The following TENM4 variants were observed in gnomAD, a reference collection of about 807,000 sequenced individuals.
The protein encoded by TENM4 is teneurin transmembrane protein 4.
Under a neutral mutation model 243.3 loss-of-function variants are expected in TENM4, and 82 were observed. That is an observed-to-expected ratio of 0.34 (90% confidence interval 0.28 to 0.40). The LOEUF is 0.40. Among genes scored for constraint, TENM4 ranks in the 10% least tolerant of loss-of-function variants. TENM4 has a pLI of 1.00. For synonymous variants in TENM4, 1,412 were observed against 1,456.3 expected (o/e 0.97, Z 0.69); for missense variants, 3,138 against 3,673.3 (o/e 0.85, Z 3.77).
chr11:78,987,684 G>C (rs1195609568), intron 6 of TENM4, among the ~76,000 whole-genome samples: 1 of 152,144 alleles, frequency 6.6e-6, no homozygotes, highest in African/African-American at 2.4e-5. Context: ...TCTAAAAAAT[G>C]ATAAATGTGA....
intron 6 of TENM4, among the ~76,000 whole-genome samples, chr11:79,042,825 A>T (rs1184997870): frequency 6.6e-6 from 1 of 152,196 alleles, no homozygotes; most frequent in Non-Finnish European, 1.5e-5. Context: ...CGGGGGCCAC[A>T]ATCTGTCTCT....
chr11:79,118,503 A>G (rs981684153), intron 4 of TENM4, among the ~76,000 whole-genome samples: 1 of 152,086 alleles, frequency 6.6e-6, no homozygotes, highest in Non-Finnish European at 1.5e-5. Flanking sequence ...CCTGTACAGA[A>G]CTCTTCATCT....
intron 4 of TENM4, among the ~76,000 whole-genome samples, chr11:79,094,205 T>C (rs1861025506): frequency 6.6e-6 from 1 of 152,112 alleles, no homozygotes; most frequent in Non-Finnish European, 1.5e-5. Context: ...CCAGACAGCC[T>C]GAGTATTTGG....
At chr11:78,941,707 G>A (rs995279263) in intron 6 of TENM4, among the ~76,000 whole-genome samples, 4 of 152,190 alleles carry the variant, frequency 2.6e-5, no homozygotes, top group Non-Finnish European at 5.9e-5. Flanking sequence ...GTAGAATCCA[G>A]AGCAGACTCT....
intron 4 of TENM4, among the ~76,000 whole-genome samples, chr11:79,134,949 C>T (rs1415053387): frequency 2.6e-5 from 4 of 152,034 alleles, no homozygotes; most frequent in African/African-American, 9.7e-5. Context: ...GATTTCATGA[C>T]CAAGAACCCA....
At chr11:79,024,391 G>C (rs545462799) in intron 6 of TENM4, among the ~76,000 whole-genome samples, 8 of 152,316 alleles carry the variant, frequency 5.3e-5, no homozygotes, top group South Asian at 2.1e-4. Context: ...TAGCAGAGAG[G>C]GGGGGCAGCA....
chr11:79,192,578 T>C (rs971911851), intron 3 of TENM4, among the ~76,000 whole-genome samples: 5 of 148,416 alleles, frequency 3.4e-5, no homozygotes, highest in Admixed American at 6.6e-5. Flanking sequence ...AGCATGCTCG[T>C]TTAAGAGTCA....
chr11:78,822,547 T>G (rs889986500), intron 12 of TENM4, among the ~76,000 whole-genome samples: 2 of 152,068 alleles, frequency 1.3e-5, no homozygotes, highest in Non-Finnish European at 2.9e-5. Flanking sequence ...TACAGGAACG[T>G]GAACAACACA....
chr11:79,132,083 C>T (rs527767551), intron 4 of TENM4, among the ~76,000 whole-genome samples: 40 of 152,060 alleles, frequency 2.6e-4, no homozygotes, highest in African/African-American at 8.9e-4. Context: ...TGGCTCCTGC[C>T]TGGAATCTCA....
At chr11:79,037,656 G>A (rs576503318) in intron 6 of TENM4, among the ~76,000 whole-genome samples, 6 of 152,250 alleles carry the variant, frequency 3.9e-5, no homozygotes, top group African/African-American at 1.4e-4. Context: ...CTTTGCTGAT[G>A]TGTAAGAGAC....
chr11:79,427,246 T>C (rs539467736), intron 1 of TENM4, among the ~76,000 whole-genome samples: 1 of 152,216 alleles, frequency 6.6e-6, no homozygotes, highest in African/African-American at 2.4e-5. Context: ...TTTAAAAAGC[T>C]GCATTATCTT....
chr11:78,866,739 G>A (rs1239251980), intron 9 of TENM4, among the ~76,000 whole-genome samples: 1 of 152,222 alleles, frequency 6.6e-6, no homozygotes, highest in Admixed American at 6.5e-5. Flanking sequence ...AACTATCTGG[G>A]AAAGCAAAGC....
At chr11:79,402,116 T>G (rs1858474433) in intron 1 of TENM4, 1 of 378,696 alleles carries the variant, frequency 2.6e-6, no homozygotes, top group Non-Finnish European at 6.0e-6. Flanking sequence ...AGTTACCATT[T>G]CACACACAGC....
chr11:79,095,228 C>T (rs948498046), intron 4 of TENM4, among the ~76,000 whole-genome samples: 2 of 152,166 alleles, frequency 1.3e-5, no homozygotes, highest in Non-Finnish European at 2.9e-5. Context: ...GGAGGGAGGA[C>T]TCTCCCTTTT....
intron 2 of TENM4, among the ~76,000 whole-genome samples, chr11:79,227,077 T>C (rs913915502): frequency 5.3e-5 from 8 of 152,174 alleles, no homozygotes; most frequent in Non-Finnish European, 1.0e-4. Context: ...GACAGAAGAT[T>C]GGAGATGAGC....
chr11:78,916,386 C>T (rs1856317442), intron 6 of TENM4, among the ~76,000 whole-genome samples: 1 of 152,072 alleles, frequency 6.6e-6, no homozygotes, highest in Non-Finnish European at 1.5e-5. Context: ...TTAATTTTTC[C>T]TTATGCTATA....
chr11:78,970,937 A>T (rs1377742743), intron 6 of TENM4, among the ~76,000 whole-genome samples: 2 of 152,152 alleles, frequency 1.3e-5, no homozygotes, highest in Non-Finnish European at 2.9e-5. Context: ...GGGCAATAGA[A>T]AATTTTTAAT....
intron 1 of TENM4, among the ~76,000 whole-genome samples, chr11:79,428,086 C>T (rs1337112616): frequency 6.6e-6 from 1 of 152,206 alleles, no homozygotes; most frequent in Non-Finnish European, 1.5e-5. Flanking sequence ...TCTGCTAAGC[C>T]AAGTGTGGCC....
At chr11:78,982,283 A>G (rs1045425927) in intron 6 of TENM4, among the ~76,000 whole-genome samples, 1 of 152,138 alleles carries the variant, frequency 6.6e-6, no homozygotes, top group African/African-American at 2.4e-5. Context: ...CTCCTTGTCT[A>G]ACAAGGCAGA....
Sources: allele counts gnomAD v4.1 joint callset (sites outside exome capture counted in the v4.1 genomes callset), GRCh38; gene constraint gnomAD v4.1.1; transcripts MANE v1.5; gene names NCBI Gene and HGNC (gene_info 2026-07-23, HGNC 2026-07-21).